SCRT2: variants seen among roughly 807,000 people sequenced by gnomAD.
SCRT2 encodes scratch family transcriptional repressor 2, also known as transcriptional repressor scratch 2.
A neutral mutation model predicts 3.7 loss-of-function variants in SCRT2; 2 were observed. The observed-to-expected ratio is 0.54, with a 90% confidence interval of 0.22 to 1.70. SCRT2 has a LOEUF of 1.70. SCRT2 is among the 40% of genes most tolerant of loss of function. The pLI, the probability that SCRT2 is intolerant of heterozygous loss-of-function variation, is 0.19. For synonymous variants in SCRT2, 256 were observed against 220.6 expected (o/e 1.16, Z -1.42); for missense variants, 456 against 468.5 (o/e 0.97, Z 0.25).
At position 666,555 on chromosome 20, in the gene SCRT2, G is replaced by A. The variant is rs1002958706; in HGVS notation, c.134-2094C>T. ...CTCTCATCACAGATAAGGAAACTGA[G>A]GGACAGTGTGGTGATGGCACTTGCT... On this transcript the variant is annotated intron_variant, in intron 1 of 1. Coordinates refer to ENST00000246104, the MANE Select transcript of SCRT2 (RefSeq NM_033129.4). This position sits in a 1 kb window ranked among gnomAD's most constrained non-coding sequence, Gnocchi z 4.4. Among the ~76,000 whole-genome samples, 3 of 152,212 alleles carry A rather than the reference G, an allele frequency of 2.0e-5. No individual in the cohort carries two copies. The highest frequency in any genetic ancestry group is 2.9e-5 in the Non-Finnish European group (2 of 68,042).
At position 664,187 on chromosome 20, in the gene SCRT2, CCCCGCGTCT is replaced by C. The variant is rs1984070388; in HGVS notation, c.399_407del (p.Asp134_Gly136del). 9.3e-7 allele frequency: 1 copy of C among 1,073,264 alleles called. No individual in the cohort carries two copies. The highest frequency in any genetic ancestry group is 5.4e-5 in the Admixed American group (1 of 18,474). 66.5% of individuals were successfully genotyped at this position (1,073,264 alleles called of 1,614,324 possible). On this transcript the variant is annotated inframe_deletion, in exon 2 of 2. Coordinates refer to ENST00000246104, the MANE Select transcript of SCRT2 (RefSeq NM_033129.4). The surrounding 1 kb of genome is among the most constrained non-coding windows in gnomAD (Gnocchi z 7.9). The stretch of plus-strand genomic sequence containing the variant: ...CGCGCCCCGCGCGCCCCCCGGCGCC[CCCCGCGTCT>C]CCCGAGCCCCCCGCGTCCCCGCCGC...
chr20:671,152 C>T (rs1354363861), intron 1 of SCRT2, among the ~76,000 whole-genome samples: 1 of 152,150 alleles, frequency 6.6e-6, no homozygotes, highest in Non-Finnish European at 1.5e-5. Context: ...AGCACTTTGC[C>T]CTGGACCTGT....
At position 663,431 on chromosome 20, in the gene SCRT2, A is replaced by C; in HGVS notation, c.*240T>G. On this transcript the variant is annotated 3_prime_UTR_variant, in exon 2 of 2. Coordinates refer to ENST00000246104, the MANE Select transcript of SCRT2 (RefSeq NM_033129.4). This position sits in a 1 kb window ranked among gnomAD's most constrained non-coding sequence, Gnocchi z 6.9. The stretch of plus-strand genomic sequence containing the variant: ...CCTTGAAGGCGCGGACAGGGGGGTC[A>C]AGGTCCGAGGGATGGCCGGAAAGGA... 2.6e-6 allele frequency: 1 copy of C among 385,024 alleles called. No homozygotes were observed. The highest frequency in any genetic ancestry group is 4.5e-6 in the Non-Finnish European group (1 of 221,854). The allele number at this position is 385,024 out of a possible 1,614,324, so 23.9% of individuals were successfully genotyped here. A position where few individuals can be genotyped will look rare whatever the true frequency, so the allele number is the denominator to read the frequency against.
At chr20:674,299 C>T (rs1984439162) in intron 1 of SCRT2, among the ~76,000 whole-genome samples, 1 of 151,380 alleles carries the variant, frequency 6.6e-6, no homozygotes, top group African/African-American at 2.4e-5. Context: ...TTTGCCATCT[C>T]AGTTCCCCCC....
chr20:670,879 T>A (rs1984310858), intron 1 of SCRT2, among the ~76,000 whole-genome samples: 1 of 152,202 alleles, frequency 6.6e-6, no homozygotes, highest in African/African-American at 2.4e-5. Flanking sequence ...ATGGGCCTCA[T>A]CATTCCACAC....
Position 675,423 on chromosome 20 carries a change from C to T in SCRT2, c.133+46G>A. On this transcript the variant is annotated intron_variant, in intron 1 of 1. Coordinates refer to ENST00000246104, the MANE Select transcript of SCRT2 (RefSeq NM_033129.4). This position sits in a 1 kb window ranked among gnomAD's most constrained non-coding sequence, Gnocchi z 6.9. The stretch of plus-strand genomic sequence containing the variant: ...CCAAGCTGGGGAGGGCCCCAGCTCC[C>T]CTCGCCTCTTCTCCCAACCCCCCGC... The T allele has an allele frequency of 7.8e-7, 1 of 1,276,648 alleles. No individual in the cohort carries two copies. The highest frequency in any genetic ancestry group is 2.7e-5 in the South Asian group (1 of 37,388). 79.1% of individuals were successfully genotyped at this position (1,276,648 alleles called of 1,614,324 possible).
At position 663,494 on chromosome 20, in the gene SCRT2, A is replaced by G; in HGVS notation, c.*177T>C. 1 of 487,050 alleles carries G rather than the reference A, an allele frequency of 2.1e-6. No individual in the cohort carries two copies. Among genetic ancestry groups the G allele is most frequent in the Non-Finnish European group, 3.3e-6 (1 of 306,610 alleles). The allele number at this position is 487,050 out of a possible 1,614,324, so 30.2% of individuals were successfully genotyped here. ...GGGGACGCTGGGGAAGACGGTGTGG[A>G]AGTGAGTCGTGGGTTTGGGGGTTGG... is the stretch of plus-strand genomic sequence containing the variant. On this transcript the variant is annotated 3_prime_UTR_variant, in exon 2 of 2. Coordinates refer to ENST00000246104, the MANE Select transcript of SCRT2 (RefSeq NM_033129.4). The surrounding 1 kb of genome is among the most constrained non-coding windows in gnomAD (Gnocchi z 6.9).
In SCRT2 at chr20:663,261, C is replaced by T. The variant is rs895912112; in HGVS notation, c.*410G>A. 1.3e-4 allele frequency: 24 copies of T among 183,164 alleles called. No individual in the cohort carries two copies. The highest frequency in any genetic ancestry group is 1.1e-3 in the East Asian group (8 of 7,070). 11.3% of individuals were successfully genotyped at this position (183,164 alleles called of 1,614,324 possible). On this transcript the variant is annotated 3_prime_UTR_variant, in exon 2 of 2. Transcript: ENST00000246104. This position sits in a 1 kb window ranked among gnomAD's most constrained non-coding sequence, Gnocchi z 6.9. The stretch of plus-strand genomic sequence containing the variant: ...ATAGGTTTGCGGCTTTCATTGGGGG[C>T]TCCAGTAGAGGAATGGTCAGAGAGA...
chr20:671,358 A>C (rs1263880680), intron 1 of SCRT2, among the ~76,000 whole-genome samples: 4 of 152,122 alleles, frequency 2.6e-5, no homozygotes, highest in Non-Finnish European at 4.4e-5. Flanking sequence ...CTAGACTTTG[A>C]ACCTGGGCCT....
rs1984024322 is a variant in SCRT2, at chr20:663,408, T to C, written c.*263A>G. The C allele has an allele frequency of 5.5e-6, 2 of 366,228 alleles. No homozygotes were observed. The highest frequency in any genetic ancestry group is 4.8e-6 in the Non-Finnish European group (1 of 207,852). 22.7% of individuals were successfully genotyped at this position (366,228 alleles called of 1,614,324 possible). On this transcript the variant is annotated 3_prime_UTR_variant, in exon 2 of 2. Transcript: ENST00000246104. This position sits in a 1 kb window ranked among gnomAD's most constrained non-coding sequence, Gnocchi z 6.9. Reference sequence around the variant, plus strand: ...GGACCTGGTGCCTGAGTTGGGAGCCTTGAAGGCGCGGACAGGGGGGTCAAG... The same window carrying C: ...GGACCTGGTGCCTGAGTTGGGAGCCCTGAAGGCGCGGACAGGGGGGTCAAG...
chr20:674,257 G>A (rs1984437348), intron 1 of SCRT2, among the ~76,000 whole-genome samples: 1 of 152,020 alleles, frequency 6.6e-6, no homozygotes, highest in South Asian at 2.1e-4. Flanking sequence ...AAATCCCAGA[G>A]GTGGAAGCCC....
intron 1 of SCRT2, among the ~76,000 whole-genome samples, chr20:674,397 TCTCACACACACACACACA>T (rs1342962838): frequency 3.1e-5 from 3 of 96,094 alleles, no homozygotes; most frequent in Admixed American, 2.3e-4. Context: ...TCTCTCTCTC[TCTCACACACACACACACA>T]CACACACACA....
At position 663,455 on chromosome 20, in the gene SCRT2, G is replaced by C; in HGVS notation, c.*216C>G. On this transcript the variant is annotated 3_prime_UTR_variant, in exon 2 of 2. Coordinates refer to ENST00000246104, the MANE Select transcript of SCRT2 (RefSeq NM_033129.4). This position sits in a 1 kb window ranked among gnomAD's most constrained non-coding sequence, Gnocchi z 6.9. ...CAAGGTCCGAGGGATGGCCGGAAAG[G>C]ATGAAGTGGGTCGGGGGACGCTGGG... 2.4e-6 allele frequency: 1 copy of C among 414,638 alleles called. No individual in the cohort carries two copies. Among genetic ancestry groups the C allele is most frequent in the Non-Finnish European group, 4.1e-6 (1 of 245,738 alleles). The allele number at this position is 414,638 out of a possible 1,614,324, so 25.7% of individuals were successfully genotyped here. A position where few individuals can be genotyped will look rare whatever the true frequency, so the allele number is the denominator to read the frequency against.
In SCRT2 at chr20:663,846, G is replaced by C; in HGVS notation, c.749C>G (p.Ala250Gly). 6.3e-7 allele frequency: 1 copy of C among 1,597,750 alleles called. No individual in the cohort carries two copies. The highest frequency in any genetic ancestry group is 8.5e-7 in the Non-Finnish European group (1 of 1,174,486). The change falls in exon 2 of 2, where the codon GCC (alanine) becomes GGC (glycine). Residue 250 changes from alanine to glycine, a missense_variant. Coordinates refer to ENST00000246104, the MANE Select transcript of SCRT2 (RefSeq NM_033129.4). The surrounding 1 kb of genome is among the most constrained non-coding windows in gnomAD (Gnocchi z 6.9). ...GTGCGCGCGCAGGTTGGAGCGGTCG[G>C]CGAAGGCCTTGCCGCAGTGCGCGCA... is the stretch of plus-strand genomic sequence containing the variant. Reference protein sequence around the residue: ...FGCAHCGKAFADRSNLRAHMQ... With the variant: ...FGCAHCGKAFGDRSNLRAHMQ...
At chr20:668,373 C>A (rs185184857) in intron 1 of SCRT2, among the ~76,000 whole-genome samples, 3 of 152,282 alleles carry the variant, frequency 2.0e-5, no homozygotes, top group Admixed American at 6.5e-5. Context: ...CCTTCCTCTG[C>A]CCTAAGAGTG....
intron 1 of SCRT2, among the ~76,000 whole-genome samples, chr20:672,422 TGC>T (rs1351759452): frequency 1.4e-5 from 2 of 147,588 alleles, no homozygotes; most frequent in Non-Finnish European, 3.0e-5. Flanking sequence ...TGTGTGTGTG[TGC>T]GCGCGTGCGT....
In SCRT2 at chr20:665,244, G is replaced by A. The variant is rs918053036; in HGVS notation, c.134-783C>T. ...ACCACACTGTGAGCTCCCCATGGTTGGATCTGTGTGCCCAGCACATGCCTG... is the reference window on the plus strand; with the variant it reads ...ACCACACTGTGAGCTCCCCATGGTTAGATCTGTGTGCCCAGCACATGCCTG... On this transcript the variant is annotated intron_variant, in intron 1 of 1. Coordinates refer to ENST00000246104, the MANE Select transcript of SCRT2 (RefSeq NM_033129.4). This position sits in a 1 kb window ranked among gnomAD's most constrained non-coding sequence, Gnocchi z 5.0. Among the ~76,000 whole-genome samples the A allele has an allele frequency of 2.2e-4, 34 of 152,208 alleles. No homozygotes were observed. The highest frequency in any genetic ancestry group is 3.9e-4 in the Admixed American group (6 of 15,290).
In SCRT2 at chr20:666,661, C is replaced by T. The variant is rs1984164186; in HGVS notation, c.134-2200G>A. Among the ~76,000 whole-genome samples the T allele has an allele frequency of 6.6e-6, 1 of 152,248 alleles. No individual in the cohort carries two copies. Among genetic ancestry groups the T allele is most frequent in the Admixed American group, 6.5e-5 (1 of 15,292 alleles). The stretch of plus-strand genomic sequence containing the variant: ...GAGGTCCTCCAGGAGGGGGCTGTGG[C>T]TGAGCTGTTCACCTCCCATTCCCAG... On this transcript the variant is annotated intron_variant, in intron 1 of 1. Transcript: ENST00000246104. This position sits in a 1 kb window ranked among gnomAD's most constrained non-coding sequence, Gnocchi z 4.4.
chr20:663,595 A>T lies in SCRT2; in HGVS notation c.*76T>A. 8.0e-7 allele frequency: 1 copy of T among 1,254,130 alleles called. No individual in the cohort carries two copies. Among genetic ancestry groups the T allele is most frequent in the Non-Finnish European group, 1.0e-6 (1 of 990,770 alleles). 77.7% of individuals were successfully genotyped at this position (1,254,130 alleles called of 1,614,324 possible). A position where few individuals can be genotyped will look rare whatever the true frequency, so the allele number is the denominator to read the frequency against. ...AGGGAAACGCAGCCGGGGCTGGGCGAGGGCGCTGCGGGCGCAGGTAGGGGG... is the reference window on the plus strand; with the variant it reads ...AGGGAAACGCAGCCGGGGCTGGGCGTGGGCGCTGCGGGCGCAGGTAGGGGG... On this transcript the variant is annotated 3_prime_UTR_variant, in exon 2 of 2. Transcript: ENST00000246104. This position sits in a 1 kb window ranked among gnomAD's most constrained non-coding sequence, Gnocchi z 6.9.
Sources: allele counts gnomAD v4.1 joint callset (sites outside exome capture counted in the v4.1 genomes callset), GRCh38; gene constraint gnomAD v4.1.1; non-coding constraint Gnocchi (gnomAD v3.1); transcripts MANE v1.5; gene names NCBI Gene and HGNC (gene_info 2026-07-23, HGNC 2026-07-21).